The following TRAPPC6B variants were observed in gnomAD, a reference collection of about 807,000 sequenced individuals.
TRAPPC6B encodes the protein trafficking protein particle complex subunit 6B.
Under a neutral mutation model 24.7 loss-of-function variants are expected in TRAPPC6B, and 27 were observed. That is an observed-to-expected ratio of 1.09 (90% CI 0.81 to 1.51). The LOEUF (loss-of-function observed/expected upper bound fraction) is 1.51, where lower values mean the gene tolerates loss of function less well. TRAPPC6B is among the 40% of genes most tolerant of loss of function. The pLI is 0.00. For synonymous variants in TRAPPC6B, 80 were observed against 66.6 expected (o/e 1.20, Z -0.98); for missense variants, 212 against 190.8 (o/e 1.11, Z -0.66).
intron 5 of TRAPPC6B, among the ~76,000 whole-genome samples, chr14:39,151,492 T>C (rs1472501406): frequency 6.6e-6 from 1 of 151,852 alleles, no homozygotes; most frequent in Non-Finnish European, 1.5e-5. Flanking sequence ...TTTAAAAAAG[T>C]TACAGTTTGA....
At chr14:39,163,022 A>T (rs2053075107) in intron 1 of TRAPPC6B, among the ~76,000 whole-genome samples, 2 of 150,664 alleles carry the variant, frequency 1.3e-5, no homozygotes, top group Non-Finnish European at 2.9e-5. Flanking sequence ...CATTTTAACC[A>T]TCTTCTTTAA....
chr14:39,150,819 G>A (rs1380300067), intron 5 of TRAPPC6B, among the ~76,000 whole-genome samples: 8 of 152,200 alleles, frequency 5.3e-5, no homozygotes, highest in Admixed American at 5.2e-4. Flanking sequence ...TTACAGGTGT[G>A]AGGCACCACA....
chr14:39,158,402 C>T lies in TRAPPC6B; in HGVS notation c.150G>A (p.Arg50=), dbSNP rs369085598. The T allele has an allele frequency of 3.2e-5, 49 of 1,527,690 alleles. No homozygotes were observed. The highest frequency in any genetic ancestry group is 7.2e-5 in the South Asian group (6 of 83,784). The allele number at this position is 1,527,690 out of a possible 1,614,324, so 94.6% of individuals were successfully genotyped here. A position where few individuals can be genotyped will look rare whatever the true frequency, so the allele number is the denominator to read the frequency against. Residue 50 remains arginine (R), a splice_region_variant and synonymous_variant, in exon 3 of 6, where the codon AGG becomes AGA. Transcript: ENST00000330149. ...TGAACCTTGCAGTATCTTTTGTAAA[C>T]CTAAAAAGATCAACTAGAAGTAATA... is the stretch of plus-strand genomic sequence containing the variant. ...GFRVGQGLIE[R]FTKDTARFKD...
chr14:39,151,849 A>G lies in TRAPPC6B; in HGVS notation c.352-10T>C. On this transcript the variant is annotated splice_polypyrimidine_tract_variant and intron_variant, in intron 4 of 5. Coordinates refer to ENST00000330149, the MANE Select transcript of TRAPPC6B (RefSeq NM_001079537.2). Reference sequence around the variant, plus strand: ...ACGTAAATGCTAAATACTAAAAGGAAAAAAAATCATTAAAAATAGTAAGGA... The same window carrying G: ...ACGTAAATGCTAAATACTAAAAGGAGAAAAAATCATTAAAAATAGTAAGGA... 7.7e-6 allele frequency: 12 copies of G among 1,557,868 alleles called. No individual in the cohort carries two copies. The highest frequency in any genetic ancestry group is 1.0e-5 in the Non-Finnish European group (12 of 1,146,102).
At chr14:39,159,217 A>C (rs1302232399) in intron 2 of TRAPPC6B, 1 of 196,876 alleles carries the variant, frequency 5.1e-6, no homozygotes, top group Admixed American at 5.9e-5. Flanking sequence ...TAGTTGCTTC[A>C]ATAGCTTCAG....
chr14:39,167,457 A>G (rs1393157316), intron 1 of TRAPPC6B, among the ~76,000 whole-genome samples: 1 of 152,222 alleles, frequency 6.6e-6, no homozygotes, highest in African/African-American at 2.4e-5. Context: ...TGGATTTTAT[A>G]GGTCTTTTCA....
rs377347658 is a variant in TRAPPC6B at position 39,169,471 on chromosome 14, CTAAA to C, written c.81+540_81+543del. ...TAGAAATCGCTCTGACATAAGGGCACTAAATAAATACTTTCTGAAATAATTAATT... is the reference window on the plus strand; with the variant it reads ...TAGAAATCGCTCTGACATAAGGGCACTAAATACTTTCTGAAATAATTAATT... On this transcript the variant is annotated intron_variant, in intron 1 of 5. Coordinates refer to ENST00000330149, the MANE Select transcript of TRAPPC6B (RefSeq NM_001079537.2). 6.4e-4 allele frequency among the ~76,000 whole-genome samples: 97 copies of C among 152,292 alleles called. 1 individual carries two copies. In the East Asian group the frequency reaches 0.018, roughly 28 times the overall value.
At chr14:39,153,485 C>A (rs2052938994) in intron 4 of TRAPPC6B, among the ~76,000 whole-genome samples, 1 of 151,696 alleles carries the variant, frequency 6.6e-6, no homozygotes, top group African/African-American at 2.4e-5. Flanking sequence ...TAAAAATTAG[C>A]CAGGCATGGT....
chr14:39,150,406 C>A (rs192358838), intron 5 of TRAPPC6B, 25 bp from the exon 6 acceptor site: 6 of 1,512,416 alleles, frequency 4.0e-6, no homozygotes, highest in Middle Eastern at 1.7e-4. Flanking sequence ...ACAAATAATT[C>A]TTTGATTTTA....
chr14:39,151,906 C>A, intron 4 of TRAPPC6B, 67 bp from the exon 5 acceptor site: 1 of 1,063,756 alleles, frequency 9.4e-7, no homozygotes, highest in Non-Finnish European at 1.4e-6. Context: ...TTGATAAATA[C>A]AACATTACAT....
chr14:39,148,919 T>C lies in TRAPPC6B; in HGVS notation c.*1431A>G. The C allele has an allele frequency of 2.5e-6, 1 of 394,890 alleles. No individual in the cohort carries two copies. The highest frequency in any genetic ancestry group is 4.5e-6 in the Non-Finnish European group (1 of 224,212). The allele number at this position is 394,890 out of a possible 1,614,324, so 24.5% of individuals were successfully genotyped here. On this transcript the variant is annotated 3_prime_UTR_variant, in exon 6 of 6. Transcript: ENST00000330149. ...TCCTAGGCTACAAACCTGTACAGCA[T>C]ATTATTGTAGTGAATACTGTAGGAC... is the stretch of plus-strand genomic sequence containing the variant.
At chr14:39,150,562 G>A (rs1211638892) in intron 5 of TRAPPC6B, among the ~76,000 whole-genome samples, 181 bp from the exon 6 acceptor site, 1 of 151,218 alleles carries the variant, frequency 6.6e-6, no homozygotes, top group East Asian at 1.9e-4. Context: ...TTTTTGAGAT[G>A]GAGTCTTGCT....
intron 2 of TRAPPC6B, 123 bp from the exon 3 acceptor site, chr14:39,158,525 ATT>A: frequency 1.8e-6 from 1 of 548,370 alleles, no homozygotes. Context: ...TTTAATTTTA[ATT>A]TTTTTTTTGA....
chr14:39,169,965 A>C, intron 1 of TRAPPC6B, 50 bp downstream of exon 1: 2 of 1,585,742 alleles, frequency 1.3e-6, no homozygotes, highest in Non-Finnish European at 1.7e-6. Context: ...CTGAGGGGAA[A>C]CAAGGTGTGT....
chr14:39,170,105 A>G lies in TRAPPC6B; in HGVS notation c.-10T>C, dbSNP rs1414909231. The G allele has an allele frequency of 5.6e-6, 9 of 1,613,884 alleles. No homozygotes were observed. The highest frequency in any genetic ancestry group is 5.1e-6 in the Non-Finnish European group (6 of 1,179,958). Reference sequence around the variant, plus strand: ...ACGCCTCATCCGCCATTTCCTGCTAATTCTTCCAAGCTTCGAGTTTTGGCT... The same window carrying G: ...ACGCCTCATCCGCCATTTCCTGCTAGTTCTTCCAAGCTTCGAGTTTTGGCT... On this transcript the variant is annotated 5_prime_UTR_variant, in exon 1 of 6. Transcript: ENST00000330149.
At chr14:39,156,516 T>C (rs945397669) in intron 3 of TRAPPC6B, among the ~76,000 whole-genome samples, 2 of 152,014 alleles carry the variant, frequency 1.3e-5, no homozygotes, top group Non-Finnish European at 1.5e-5. Context: ...ATTACTTGAG[T>C]CCAGGAGCTC....
chr14:39,166,424 G>A lies in TRAPPC6B; in HGVS notation c.81+3591C>T, dbSNP rs190988492. ...TTGTAACAGTAAGAAAATCATGACT[G>A]TAAAAGAGATCTCACCTAATCAACT... On this transcript the variant is annotated intron_variant, in intron 1 of 5. Coordinates refer to ENST00000330149, the MANE Select transcript of TRAPPC6B (RefSeq NM_001079537.2). Among the ~76,000 whole-genome samples, 83 of 152,300 alleles carry A rather than the reference G, an allele frequency of 5.4e-4. 1 individual carries two copies. Among genetic ancestry groups the A allele is most frequent in the African/African-American group, 1.7e-3 (69 of 41,560 alleles).
In TRAPPC6B at chr14:39,169,864, G is replaced by T. The variant is rs187154283; in HGVS notation, c.81+151C>A. On this transcript the variant is annotated intron_variant, in intron 1 of 5. Coordinates refer to ENST00000330149, the MANE Select transcript of TRAPPC6B (RefSeq NM_001079537.2). ...ACGGTTCAAAGGAGACAACTGACAG[G>T]TTCTAGGGTTTAGGACACCTGGAGG... 32 of 676,150 alleles carry T rather than the reference G, an allele frequency of 4.7e-5. No individual in the cohort carries two copies. In the African/African-American group the frequency reaches 5.5e-4, roughly 12 times the overall value. The allele number at this position is 676,150 out of a possible 1,614,324, so 41.9% of individuals were successfully genotyped here.
At chr14:39,157,712 T>G (rs1056023852) in intron 3 of TRAPPC6B, 11 of 225,846 alleles carry the variant, frequency 4.9e-5, no homozygotes, top group Admixed American at 3.7e-4. Flanking sequence ...TAGGTTCAGC[T>G]GGTGGAAGCT....
Sources: allele counts gnomAD v4.1 joint callset (sites outside exome capture counted in the v4.1 genomes callset), GRCh38; gene constraint gnomAD v4.1.1; transcripts MANE v1.5; gene names NCBI Gene and HGNC (gene_info 2026-07-23, HGNC 2026-07-21).